Variants in RAB35 observed in about 807,000 individuals in gnomAD.
The protein encoded by RAB35 is RAB35, member RAS oncogene family.
A neutral mutation model predicts 28.9 loss-of-function variants in RAB35; 4 were observed. That is an observed-to-expected ratio of 0.14 (90% CI 0.07 to 0.32). The LOEUF (loss-of-function observed/expected upper bound fraction) is 0.32, where lower values mean the gene tolerates loss of function less well. Among genes scored for constraint, RAB35 ranks in the 10% least tolerant of loss-of-function variants. RAB35 has a pLI of 1.00. For missense variants in RAB35, 128 were observed against 274.0 expected (o/e 0.47, Z 3.76); for synonymous variants, 99 against 105.1 (o/e 0.94, Z 0.35).
intron 2 of RAB35, 106 bp downstream of exon 2, chr12:120,108,311 G>A (rs1487970329): frequency 8.4e-7 from 1 of 1,185,082 alleles, no homozygotes; most frequent in Non-Finnish European, 1.2e-6. Flanking sequence ...ACCAGAATGA[G>A]ACAGTTCCCA....
At chr12:120,114,157 G>A (rs926995052) in intron 1 of RAB35, among the ~76,000 whole-genome samples, 1 of 152,138 alleles carries the variant, frequency 6.6e-6, no homozygotes, top group Non-Finnish European at 1.5e-5. Flanking sequence ...GCAATAGTGC[G>A]ATCTTGGTTC....
intron 1 of RAB35, among the ~76,000 whole-genome samples, chr12:120,113,589 C>T (rs545084754): frequency 2.6e-5 from 4 of 152,174 alleles, no homozygotes; most frequent in Admixed American, 2.6e-4. Flanking sequence ...GAGGCCGAGG[C>T]GGGCGGATCA....
At chr12:120,112,430 G>C (rs1017402998) in intron 1 of RAB35, among the ~76,000 whole-genome samples, 79 of 151,512 alleles carry the variant, frequency 5.2e-4, no homozygotes, top group African/African-American at 1.7e-3. Context: ...AACTGTTCTC[G>C]ATATTTTTTT....
At chr12:120,102,798 C>G (rs905432750) in intron 3 of RAB35, among the ~76,000 whole-genome samples, 6 of 152,188 alleles carry the variant, frequency 3.9e-5, no homozygotes, top group Non-Finnish European at 7.4e-5. Context: ...GCTGGGACTT[C>G]CTCATTCGCC....
chr12:120,099,356 G>A, intron 3 of RAB35: 2 of 670,528 alleles, frequency 3.0e-6, no homozygotes, highest in Non-Finnish European at 5.0e-6. Flanking sequence ...GACTCCCCCT[G>A]CCCGCCCGGG....
rs148547438 is a variant in RAB35 at position 120,098,379 on chromosome 12, A to G, written c.477+432T>C. On this transcript the variant is annotated intron_variant, in intron 5 of 5. Transcript: ENST00000229340. ...CATCAGGACACCAGCCTGACTTACA[A>G]AGGAGCCTGTGCCCGCTGCTGTGTG... Among the ~76,000 whole-genome samples, 642 of 152,342 alleles carry G rather than the reference A, an allele frequency of 4.2e-3. 1 individual carries two copies. The highest frequency in any genetic ancestry group is 0.013 in the African/African-American group (554 of 41,592).
At chr12:120,109,008 C>T (rs767306008) in intron 1 of RAB35, among the ~76,000 whole-genome samples, 2 of 152,200 alleles carry the variant, frequency 1.3e-5, no homozygotes, top group East Asian at 1.9e-4. Context: ...CTGATGTCCC[C>T]GCCGGGTGGG....
Position 120,103,964 on chromosome 12 carries a change from C to G in RAB35, c.104-15G>C, listed in dbSNP as rs1360743146. 1 of 1,613,442 alleles carries G rather than the reference C, an allele frequency of 6.2e-7. No homozygotes were observed. The highest frequency in any genetic ancestry group is 8.5e-7 in the Non-Finnish European group (1 of 1,179,694). On this transcript the variant is annotated splice_polypyrimidine_tract_variant and intron_variant, in intron 2 of 5. Coordinates refer to ENST00000229340, the MANE Select transcript of RAB35 (RefSeq NM_006861.7). This position sits in a 1 kb window ranked among gnomAD's most constrained non-coding sequence, Gnocchi z 6.1. ...GATGTAGCTGCCTGCACACACAGGG[C>G]AGTTAACGAGGCCCAGCGCGGTATC...
chr12:120,099,999 C>T (rs542183559), intron 3 of RAB35, among the ~76,000 whole-genome samples: 17 of 152,348 alleles, frequency 1.1e-4, no homozygotes, highest in Non-Finnish European at 1.9e-4. Flanking sequence ...TCCCCAAAGC[C>T]GCAGGGACCT....
rs756072476 is a variant in RAB35 at position 120,099,089 on chromosome 12, T to C, written c.293A>G (p.Asn98Ser). The part of the protein sequence containing the change: ...YDVTSAESFV[N>S]VKRWLHEINQ... The stretch of plus-strand genomic sequence containing the variant: ...GATTTCGTGAAGCCACCGCTTGACG[T>C]TGACAAAGGACTCGGCACTGGTGAC... Residue 98 changes from asparagine to serine, a missense_variant, in exon 4 of 6, where the codon AAC (asparagine) becomes AGC (serine). Coordinates refer to ENST00000229340, the MANE Select transcript of RAB35 (RefSeq NM_006861.7). 6 of 1,614,024 alleles carry C rather than the reference T, an allele frequency of 3.7e-6. No individual in the cohort carries two copies. Among genetic ancestry groups the C allele is most frequent in the Admixed American group, 1.7e-5 (1 of 60,020 alleles).
chr12:120,105,218 G>C (rs763318741), intron 2 of RAB35, among the ~76,000 whole-genome samples: 15 of 152,158 alleles, frequency 9.9e-5, no homozygotes, highest in Non-Finnish European at 1.8e-4. Context: ...TTAGGTAGGG[G>C]AACGACATCC....
intron 2 of RAB35, 85 bp downstream of exon 2, chr12:120,108,332 G>C: frequency 7.3e-7 from 1 of 1,377,456 alleles, no homozygotes. Context: ...ACATCAGGCA[G>C]AGGCAACTCT....
At chr12:120,114,255 G>A (rs1024676509) in intron 1 of RAB35, among the ~76,000 whole-genome samples, 1 of 152,146 alleles carries the variant, frequency 6.6e-6, no homozygotes, top group Non-Finnish European at 1.5e-5. Context: ...CACCATGCCC[G>A]GCTACTTTTG....
At chr12:120,114,650 C>A (rs1250784500) in intron 1 of RAB35, among the ~76,000 whole-genome samples, 2 of 152,258 alleles carry the variant, frequency 1.3e-5, no homozygotes, top group African/African-American at 4.8e-5. Context: ...CCTACGCCTA[C>A]ATGGCTGACC....
Position 120,096,579 on chromosome 12 carries a change from A to G in RAB35, c.*666T>C, listed in dbSNP as rs2139045369. The G allele has an allele frequency of 7.8e-7, 1 of 1,289,762 alleles. No homozygotes were observed. The highest frequency in any genetic ancestry group is 1.0e-6 in the Non-Finnish European group (1 of 988,890). 79.9% of individuals were successfully genotyped at this position (1,289,762 alleles called of 1,614,324 possible). ...AGGCAGGACAAGAAATCTGTTGGCC[A>G]AAGGGCAAGACCTGCCACCTCTGTG... On this transcript the variant is annotated 3_prime_UTR_variant, in exon 6 of 6. Coordinates refer to ENST00000229340, the MANE Select transcript of RAB35 (RefSeq NM_006861.7).
chr12:120,101,682 A>G (rs866376486), intron 3 of RAB35, among the ~76,000 whole-genome samples: 7 of 152,136 alleles, frequency 4.6e-5, no homozygotes, highest in Non-Finnish European at 8.8e-5. Context: ...CTCCTGCCTC[A>G]TGAGGGCCAG....
rs182518673 is a variant in RAB35, at chr12:120,100,985, A to C, written c.228-1831T>G. On this transcript the variant is annotated intron_variant, in intron 3 of 5. Coordinates refer to ENST00000229340, the MANE Select transcript of RAB35 (RefSeq NM_006861.7). ...GCTGAAGATGATCAGAGATGCCAAG[A>C]AACGCCTGCAGCCATGGCCCCGGCG... Among the ~76,000 whole-genome samples, 602 of 152,352 alleles carry C rather than the reference A, an allele frequency of 4.0e-3. 9 individuals carry two copies. Among genetic ancestry groups the C allele is most frequent in the South Asian group, 5.4e-3 (26 of 4,828 alleles).
rs3999541 is a variant in RAB35 at position 120,110,290 on chromosome 12, A to ATTTTTTT, written c.53-1830_53-1824dup. On this transcript the variant is annotated intron_variant, in intron 1 of 5. Transcript: ENST00000229340. The stretch of plus-strand genomic sequence containing the variant: ...TCTGTTCATGGGAGAAGCCCACAGC[A>ATTTTTTT]TTTTTTTTTTTTTTGGAGAGATAGG... 1.5e-4 allele frequency among the ~76,000 whole-genome samples: 13 copies of ATTTTTTT among 88,590 alleles called. 2 individuals carry two copies. In the South Asian group the frequency reaches 1.9e-3, roughly 13 times the overall value. The allele number at this position is 88,590 out of a possible 152,430, so 58.1% of individuals were successfully genotyped here.
intron 1 of RAB35, 149 bp from the exon 2 acceptor site, chr12:120,108,616 T>G: frequency 1.3e-6 from 1 of 741,678 alleles, no homozygotes; most frequent in South Asian, 1.5e-5. Context: ...TCCACCTCCC[T>G]GAGCGGCCAC....
Sources: allele counts gnomAD v4.1 joint callset (sites outside exome capture counted in the v4.1 genomes callset), GRCh38; gene constraint gnomAD v4.1.1; non-coding constraint Gnocchi (gnomAD v3.1); transcripts MANE v1.5; gene names NCBI Gene and HGNC (gene_info 2026-07-23, HGNC 2026-07-21).